The following KLF8 variants were observed in gnomAD, a reference collection of about 807,000 sequenced individuals.
The protein encoded by KLF8 is Krueppel-like factor 8.
A neutral mutation model predicts 18.2 loss-of-function variants in KLF8; 10 were observed. That is an observed-to-expected ratio of 0.55 (90% CI 0.34 to 0.93). The LOEUF is 0.93. KLF8 is among the 40% of genes least tolerant of loss of function. KLF8 has a pLI of 0.02. For missense variants in KLF8, 264 were observed against 277.9 expected (o/e 0.95, Z 0.36); for synonymous variants, 109 against 97.3 (o/e 1.12, Z -0.71).
chrX:56,008,926 C>T, the KLF8 span, among the ~76,000 whole-genome samples: 1 of 112,064 alleles, frequency 8.9e-6, no homozygotes, highest in Non-Finnish European at 1.9e-5. Context: ...GTTTTGCAGA[C>T]AGAAGTCTGA....
the KLF8 span, among the ~76,000 whole-genome samples, chrX:55,955,247 G>A: frequency 1.8e-5 from 2 of 111,269 alleles, no homozygotes; most frequent in South Asian, 7.6e-4. Context: ...AAAATTATAG[G>A]AAGAAAGAAC....
At chrX:55,970,678 C>T in the KLF8 span, among the ~76,000 whole-genome samples, 7 of 111,037 alleles carry the variant, frequency 6.3e-5, no homozygotes, top group Non-Finnish European at 1.1e-4. Flanking sequence ...AAAGACACCA[C>T]GAAAAAACTA....
chrX:56,169,385 T>C, the KLF8 span, among the ~76,000 whole-genome samples: 1 of 111,255 alleles, frequency 9.0e-6, no homozygotes, highest in Admixed American at 9.6e-5. Context: ...GAGCGGCAAG[T>C]TTGCTCTTGG....
At chrX:55,921,513 C>T in the KLF8 span, among the ~76,000 whole-genome samples, 10 of 111,806 alleles carry the variant, frequency 8.9e-5, no homozygotes, top group Non-Finnish European at 1.7e-4. Flanking sequence ...ATTATAAAAA[C>T]TCTAGAAGAA....
the KLF8 span, among the ~76,000 whole-genome samples, chrX:56,003,450 A>AT: frequency 9.2e-6 from 1 of 108,414 alleles, no homozygotes; most frequent in African/African-American, 3.3e-5. Flanking sequence ...AAATAAATAA[A>AT]AGTCTGAACT....
At chrX:56,073,264 G>A in the KLF8 span, among the ~76,000 whole-genome samples, 8 of 112,406 alleles carry the variant, frequency 7.1e-5, no homozygotes, top group African/African-American at 2.6e-4. Flanking sequence ...TGGGATTACA[G>A]GCGTGAGCCA....
chrX:56,011,513 G>A, the KLF8 span, among the ~76,000 whole-genome samples: 11 of 111,602 alleles, frequency 9.9e-5, no homozygotes, highest in Non-Finnish European at 1.9e-4. Context: ...GCTAGAAAGA[G>A]CTCAACTTAT....
the KLF8 span, among the ~76,000 whole-genome samples, chrX:55,940,986 T>G: frequency 4.2e-4 from 47 of 111,524 alleles, no homozygotes; most frequent in Non-Finnish European, 3.0e-4. Context: ...TCCCCATCAA[T>G]CTACCAATGA....
the KLF8 span, among the ~76,000 whole-genome samples, chrX:56,076,933 T>C: frequency 8.9e-6 from 1 of 112,335 alleles, no homozygotes; most frequent in Non-Finnish European, 1.9e-5. Flanking sequence ...GCTGCATAAA[T>C]GTCTTCTTTT....
the KLF8 span, among the ~76,000 whole-genome samples, chrX:56,052,603 C>A: frequency 8.9e-6 from 1 of 111,938 alleles, no homozygotes; most frequent in South Asian, 3.7e-4. Flanking sequence ...CAAGGACCCA[C>A]TTGAGGAAGC....
chrX:56,242,799 T>A (rs1363404911), intron 1 of KLF8: 1 of 260,961 alleles, frequency 3.8e-6, no homozygotes, highest in Non-Finnish European at 7.0e-6. Context: ...CTTTTTAACA[T>A]CCTAGTTTGC....
At chrX:56,251,451 A>ATATTTATT (rs749659954) in intron 2 of KLF8, among the ~76,000 whole-genome samples, 5 of 110,239 alleles carry the variant, frequency 4.5e-5, no homozygotes, top group South Asian at 7.4e-4. Context: ...GAATTTTTAT[A>ATATTTATT]TATTTATTTA....
the KLF8 span, among the ~76,000 whole-genome samples, chrX:56,186,227 T>C: frequency 9.0e-6 from 1 of 111,315 alleles, no homozygotes; most frequent in African/African-American, 3.3e-5. Context: ...GTTGCAATCC[T>C]AGTCTCTGAT....
chrX:55,922,428 A>G, the KLF8 span, among the ~76,000 whole-genome samples: 3 of 112,330 alleles, frequency 2.7e-5, no homozygotes, highest in Non-Finnish European at 5.6e-5. Context: ...GCATGGATAC[A>G]GGGAGGGGAA....
chrX:56,038,176 A>G, the KLF8 span, among the ~76,000 whole-genome samples: 19 of 112,381 alleles, frequency 1.7e-4, no homozygotes, highest in Non-Finnish European at 3.0e-4. Context: ...TTTATGACTG[A>G]ATAGTACTCC....
chrX:56,060,044 G>T, the KLF8 span, among the ~76,000 whole-genome samples: 1 of 111,266 alleles, frequency 9.0e-6, no homozygotes, highest in Non-Finnish European at 1.9e-5. Flanking sequence ...AGTGAGACCT[G>T]AGATTTTCCT....
At chrX:56,105,514 G>T in the KLF8 span, among the ~76,000 whole-genome samples, 1 of 109,661 alleles carries the variant, frequency 9.1e-6, no homozygotes, top group Admixed American at 9.7e-5. Context: ...GTTTATCAAA[G>T]ACTAGAACTG....
At chrX:56,283,396 A>T (rs1308177596) in intron 5 of KLF8, among the ~76,000 whole-genome samples, 4 of 110,842 alleles carry the variant, frequency 3.6e-5, no homozygotes, top group Middle Eastern at 9.3e-3. Context: ...TTTTTTTGAG[A>T]CAGGTCTCGC....
the KLF8 span, among the ~76,000 whole-genome samples, chrX:56,087,696 T>C: frequency 8.9e-6 from 1 of 112,037 alleles, no homozygotes; most frequent in Non-Finnish European, 1.9e-5. Flanking sequence ...TTGGAGATAA[T>C]GGAGCTCTGT....
Sources: allele counts gnomAD v4.1 joint callset (sites outside exome capture counted in the v4.1 genomes callset), GRCh38; gene constraint gnomAD v4.1.1; transcripts MANE v1.5; gene names NCBI Gene and HGNC (gene_info 2026-07-23, HGNC 2026-07-21).